Variants in ARHGEF10L observed in about 807,000 individuals in gnomAD.
ARHGEF10L encodes the protein Rho guanine nucleotide exchange factor 10 like, also known as rho guanine nucleotide exchange factor 10-like protein.
A neutral mutation model predicts 141.2 loss-of-function variants in ARHGEF10L; 69 were observed. That is an observed-to-expected ratio of 0.49 (90% CI 0.40 to 0.60). The LOEUF (loss-of-function observed/expected upper bound fraction) is 0.60, where lower values mean the gene tolerates loss of function less well. ARHGEF10L is among the 20% of genes least tolerant of loss of function. The pLI is 0.00. For missense variants in ARHGEF10L, 1,482 were observed against 1,734.3 expected, an observed-to-expected ratio of 0.85 and a Z score of 2.58; for synonymous variants, 711 against 718.5, an observed-to-expected ratio of 0.99 and a Z score of 0.17.
intron 1 of ARHGEF10L, among the ~76,000 whole-genome samples, chr1:17,570,250 A>C (rs2100338980): frequency 6.6e-6 from 1 of 152,322 alleles, no homozygotes; most frequent in African/African-American, 2.4e-5. Flanking sequence ...AAACTGATAA[A>C]TAACTAAAAT....
chr1:17,603,450 C>A lies in ARHGEF10L; in HGVS notation c.350-58C>A. ...TGCAGTCCTGATGTCATCTGCAGCA[C>A]CTCTGGCCAGGCTGCCACAGCCCAC... On this transcript the variant is annotated intron_variant, in intron 5 of 28. Transcript: ENST00000361221. The surrounding 1 kb of genome is among the most constrained non-coding windows in gnomAD (Gnocchi z 4.8). The A allele has an allele frequency of 6.8e-7, 1 of 1,466,428 alleles. No homozygotes were observed. Among genetic ancestry groups the A allele is most frequent in the Non-Finnish European group, 9.4e-7 (1 of 1,059,298 alleles). The allele number at this position is 1,466,428 out of a possible 1,614,324, so 90.8% of individuals were successfully genotyped here. A position where few individuals can be genotyped will look rare whatever the true frequency, so the allele number is the denominator to read the frequency against.
chr1:17,537,858 AAAAAAAAAAAAAAAAAGAAAGAAAAG>A (rs1389627218), upstream of ARHGEF10L, among the ~76,000 whole-genome samples: 1 of 149,418 alleles, frequency 6.7e-6, no homozygotes, highest in Admixed American at 6.6e-5. Flanking sequence ...TCTCTACAAA[AAAAAAAAAAAAAAAAAGAAAGAAAAG>A]AAAAAAAAAA....
intron 25 of ARHGEF10L, among the ~76,000 whole-genome samples, chr1:17,660,480 T>G (rs992719495): frequency 1.3e-5 from 2 of 152,160 alleles, no homozygotes; most frequent in African/African-American, 4.8e-5. Flanking sequence ...GCCTGGAGGA[T>G]TGGCACCTCC....
At position 17,558,555 on chromosome 1, in the gene ARHGEF10L, T is replaced by A. The variant is rs1018670983; in HGVS notation, c.-44+18605T>A. On this transcript the variant is annotated intron_variant, in intron 1 of 28. Transcript: ENST00000361221. The surrounding 1 kb of genome is among the most constrained non-coding windows in gnomAD (Gnocchi z 4.2). Reference sequence around the variant, plus strand: ...CTGCATGTGCTAAGCAAAGTGTATTTGGGAGTGGCCCAGGCAGATGAGGTG... The same window carrying A: ...CTGCATGTGCTAAGCAAAGTGTATTAGGGAGTGGCCCAGGCAGATGAGGTG... 1.3e-5 allele frequency among the ~76,000 whole-genome samples: 2 copies of A among 152,202 alleles called. No individual in the cohort carries two copies. Among genetic ancestry groups the A allele is most frequent in the African/African-American group, 2.4e-5 (1 of 41,450 alleles).
At chr1:17,634,688 C>G in intron 17 of ARHGEF10L, 126 bp downstream of exon 17, 1 of 1,466,810 alleles carries the variant, frequency 6.8e-7, no homozygotes, top group Non-Finnish European at 9.2e-7. Context: ...GGGATCCCTG[C>G]TCTGCCTGGC....
At chr1:17,594,063 C>T (rs1271247005) in intron 4 of ARHGEF10L, among the ~76,000 whole-genome samples, 4 of 151,398 alleles carry the variant, frequency 2.6e-5, no homozygotes, top group East Asian at 1.9e-4. Flanking sequence ...TGAGTGACTG[C>T]GATGGGGGCT....
chr1:17,538,803 T>C (rs1044167439), upstream of ARHGEF10L, among the ~76,000 whole-genome samples: 2 of 152,010 alleles, frequency 1.3e-5, no homozygotes, highest in African/African-American at 4.8e-5. Context: ...GCAGAACTTA[T>C]CATTATCAAC....
chr1:17,629,083 C>A (rs1032395123), intron 15 of ARHGEF10L, among the ~76,000 whole-genome samples: 2 of 152,106 alleles, frequency 1.3e-5, no homozygotes, highest in African/African-American at 4.8e-5. Context: ...TACAGTGGTA[C>A]AATAACGGCT....
Position 17,632,339 on chromosome 1 carries a change from C to T in ARHGEF10L, c.1603C>T (p.Arg535Trp), listed in dbSNP as rs776804850. Residue 535 changes from arginine to tryptophan, a missense_variant, in exon 16 of 29, where the codon CGG becomes TGG. Coordinates refer to ENST00000361221, the MANE Select transcript of ARHGEF10L (RefSeq NM_018125.4). ...SLNKLLTSGQ[R>W]QLLLCETLTE... ...CCTCCAGCTGTTGACCTCAGGCCAGCGGCAGCTGCTCCTGTGTGAGACGTT... is the reference window on the plus strand; with the variant it reads ...CCTCCAGCTGTTGACCTCAGGCCAGTGGCAGCTGCTCCTGTGTGAGACGTT... 9.9e-6 allele frequency: 16 copies of T among 1,613,952 alleles called. No individual in the cohort carries two copies. The highest frequency in any genetic ancestry group is 2.2e-5 in the East Asian group (1 of 44,880).
chr1:17,642,799 C>T lies in ARHGEF10L; in HGVS notation c.2272+2497C>T, dbSNP rs60167459. Among the ~76,000 whole-genome samples, 1,510 of 152,328 alleles carry T rather than the reference C, an allele frequency of 9.9e-3. 24 individuals carry two copies. The highest frequency in any genetic ancestry group is 0.034 in the African/African-American group (1,432 of 41,576). ...AGAAAGGCTAATGTGGCTTCCCTGC[C>T]CCTTGGGCCATGCGCTCCCCTCCCC... On this transcript the variant is annotated intron_variant, in intron 21 of 28. Transcript: ENST00000361221.
At chr1:17,601,043 C>G (rs1459895747) in intron 4 of ARHGEF10L, among the ~76,000 whole-genome samples, 5 of 127,166 alleles carry the variant, frequency 3.9e-5, no homozygotes, top group African/African-American at 1.5e-4. Context: ...GAGCGAGGCT[C>G]TGTCTCAAAA....
At chr1:17,674,492 A>G (rs1157073984) in intron 26 of ARHGEF10L, among the ~76,000 whole-genome samples, 1 of 152,220 alleles carries the variant, frequency 6.6e-6, no homozygotes, top group Non-Finnish European at 1.5e-5. Flanking sequence ...TGTGAGGCAG[A>G]CACACCTGCC....
At chr1:17,635,517 C>T (rs552110681) in intron 18 of ARHGEF10L, among the ~76,000 whole-genome samples, 30 of 152,336 alleles carry the variant, frequency 2.0e-4, no homozygotes, top group Middle Eastern at 3.4e-3. Flanking sequence ...CTGGATGGGC[C>T]ATGCTCCCTC....
At position 17,654,649 on chromosome 1, in the gene ARHGEF10L, T is replaced by C. The variant is rs775084268; in HGVS notation, c.2408T>C (p.Val803Ala). The change falls in exon 23 of 29, where the codon GTC becomes GCC. Residue 803 changes from valine to alanine, a missense_variant. By Grantham distance (64) the Val-to-Ala change is moderately conservative. Transcript: ENST00000361221. The surrounding 1 kb of genome is among the most constrained non-coding windows in gnomAD (Gnocchi z 4.3). ...RALSLQLGAL[V>A]HSPVNCPLLG... ...CTGTCTCTGCAGCTTGGGGCCCTGG[T>C]CCACAGTCCTGTCAACTGTCCCCTG... The C allele has an allele frequency of 2.5e-6, 4 of 1,614,156 alleles. No individual in the cohort carries two copies. The highest frequency in any genetic ancestry group is 3.4e-6 in the Non-Finnish European group (4 of 1,180,000).
At position 17,644,245 on chromosome 1, in the gene ARHGEF10L, G is replaced by A. The variant is rs1051846369; in HGVS notation, c.2272+3943G>A. ...TGGTTTAGTTTTCCGGCCCATAGTC[G>A]TCACACTGACGCCAATATTCCTTCC... On this transcript the variant is annotated intron_variant, in intron 21 of 28. Coordinates refer to ENST00000361221, the MANE Select transcript of ARHGEF10L (RefSeq NM_018125.4). This position sits in a 1 kb window ranked among gnomAD's most constrained non-coding sequence, Gnocchi z 4.5. 6.6e-6 allele frequency among the ~76,000 whole-genome samples: 1 copy of A among 152,236 alleles called. No individual in the cohort carries two copies. Among genetic ancestry groups the A allele is most frequent in the Non-Finnish European group, 1.5e-5 (1 of 68,044 alleles).
chr1:17,568,687 G>C (rs550866620), intron 1 of ARHGEF10L, among the ~76,000 whole-genome samples: 1 of 152,218 alleles, frequency 6.6e-6, no homozygotes, highest in Non-Finnish European at 1.5e-5. Context: ...GGCTGTGGGC[G>C]GCATCCGCAT....
At chr1:17,590,178 C>T (rs919757639) in intron 4 of ARHGEF10L, among the ~76,000 whole-genome samples, 32 of 152,312 alleles carry the variant, frequency 2.1e-4, no homozygotes, top group African/African-American at 6.0e-4. Context: ...GCTGGGCCAC[C>T]GTGCTTCTCT....
Position 17,697,671 on chromosome 1 carries a change from TG to T in ARHGEF10L, c.*294del, listed in dbSNP as rs1235988320. The T allele has an allele frequency of 1.7e-6, 1 of 573,324 alleles. No homozygotes were observed. The highest frequency in any genetic ancestry group is 2.2e-5 in the Admixed American group (1 of 45,904). 35.5% of individuals were successfully genotyped at this position (573,324 alleles called of 1,614,324 possible). A position where few individuals can be genotyped will look rare whatever the true frequency, so the allele number is the denominator to read the frequency against. Reference sequence around the variant, plus strand: ...CCTGGCAAGCCCAGTATCACTTGTTTGGGCCCTAGCGGGACTCCAAGGCAGC... The same window carrying T: ...CCTGGCAAGCCCAGTATCACTTGTTTGGCCCTAGCGGGACTCCAAGGCAGC... On this transcript the variant is annotated 3_prime_UTR_variant, in exon 29 of 29. Transcript: ENST00000361221. This position sits in a 1 kb window ranked among gnomAD's most constrained non-coding sequence, Gnocchi z 4.8.
chr1:17,521,389 T>G, the ARHGEF10L span, among the ~76,000 whole-genome samples: 1 of 151,982 alleles, frequency 6.6e-6, no homozygotes, highest in Non-Finnish European at 1.5e-5. Context: ...AGAGACGGGG[T>G]TTCTCCATGT....
Sources: gnomAD v4.1 joint callset for allele counts (sites outside exome capture counted in the v4.1 genomes callset) on GRCh38, gnomAD v4.1.1 for gene constraint, Gnocchi (gnomAD v3.1) non-coding constraint, MANE v1.5 for transcripts, NCBI Gene and HGNC (gene_info 2026-07-23, HGNC 2026-07-21) for gene names.